The following GPRC5B variants were observed in gnomAD, a reference collection of about 807,000 sequenced individuals.
GPRC5B encodes G protein-coupled receptor family C group 5 member B.
GPRC5B carries 16 observed loss-of-function variants against 30.1 expected under a neutral mutation model. The ratio of observed to expected loss-of-function variants is 0.53; its 90% CI spans 0.36 to 0.81. The LOEUF (loss-of-function observed/expected upper bound fraction) is 0.81, where lower values mean the gene tolerates loss of function less well. Ranked by LOEUF, GPRC5B falls within the 30% of genes least tolerant of loss-of-function variation. GPRC5B has a pLI of 0.01. For missense variants in GPRC5B, 428 were observed against 544.7 expected (o/e 0.79, Z 2.13); for synonymous variants, 241 against 239.5 (o/e 1.01, Z -0.06).
At chr16:19,864,078 G>T (rs2141139421) in intron 2 of GPRC5B, among the ~76,000 whole-genome samples, 1 of 152,222 alleles carries the variant, frequency 6.6e-6, no homozygotes, top group Non-Finnish European at 1.5e-5. Context: ...CCACACCTGG[G>T]CCAGAGACAA....
rs555520040 is a variant in GPRC5B, at chr16:19,871,293, A to AG, written c.1030+522_1030+523insC. Among the ~76,000 whole-genome samples, 303 of 150,456 alleles carry AG rather than the reference A, an allele frequency of 2.0e-3. 4 individuals carry two copies. Among genetic ancestry groups the AG allele is most frequent in the African/African-American group, 7.1e-3 (292 of 40,918 alleles). On this transcript the variant is annotated intron_variant, in intron 2 of 3. Transcript: ENST00000300571. ...CAAGACCCTGTCTCAAAAAAAAAAAAAAAAAAAGAAAGAAAGAAAAAAACA... is the reference window on the plus strand; with the variant it reads ...CAAGACCCTGTCTCAAAAAAAAAAAAGAAAAAAAGAAAGAAAGAAAAAAACA...
chr16:19,873,805 AGTCT>A (rs1280767026), intron 1 of GPRC5B, among the ~76,000 whole-genome samples: 1 of 151,942 alleles, frequency 6.6e-6, no homozygotes, highest in Non-Finnish European at 1.5e-5. Flanking sequence ...TTTGAGACGG[AGTCT>A]GTCTGTCGCC....
chr16:19,870,547 G>T (rs1007420986), intron 2 of GPRC5B, among the ~76,000 whole-genome samples: 6 of 152,234 alleles, frequency 3.9e-5, no homozygotes, highest in Non-Finnish European at 8.8e-5. Flanking sequence ...CTAGGAAGTG[G>T]CAGAGGCAAA....
intron 3 of GPRC5B, among the ~76,000 whole-genome samples, chr16:19,861,127 T>C (rs1046465745): frequency 1.4e-5 from 2 of 141,056 alleles, no homozygotes; most frequent in African/African-American, 5.8e-5. Flanking sequence ...GGTTGAGTTA[T>C]GGAGTTGGAA....
chr16:19,865,807 C>A (rs916563175), intron 2 of GPRC5B, among the ~76,000 whole-genome samples: 3 of 152,218 alleles, frequency 2.0e-5, no homozygotes, highest in Admixed American at 2.0e-4. Context: ...AGCAAGCACG[C>A]TGAAGAACGT....
intron 2 of GPRC5B, among the ~76,000 whole-genome samples, chr16:19,871,281 C>CAAAAAAAAAAAAAAAA (rs71375667): frequency 4.3e-5 from 3 of 70,338 alleles, no homozygotes; most frequent in Admixed American, 1.7e-4. Context: ...GACCCTGTCT[C>CAAAAAAAAAAAAAAAA]AAAAAAAAAA....
At chr16:19,869,963 T>C (rs567921328) in intron 2 of GPRC5B, among the ~76,000 whole-genome samples, 3 of 152,058 alleles carry the variant, frequency 2.0e-5, no homozygotes, top group Non-Finnish European at 4.4e-5. Flanking sequence ...TGGTCCCAGC[T>C]ACTCGGGAGG....
rs975393378 is a variant in GPRC5B, at chr16:19,857,720, C to T, written c.*2780G>A. 1.3e-4 allele frequency: 22 copies of T among 171,206 alleles called. No homozygotes were observed. Among genetic ancestry groups the T allele is most frequent in the Non-Finnish European group, 2.5e-4 (21 of 85,424 alleles). 10.6% of individuals were successfully genotyped at this position (171,206 alleles called of 1,614,324 possible). A position where few individuals can be genotyped will look rare whatever the true frequency, so the allele number is the denominator to read the frequency against. ...ACCACCACCCGAGTTCACCCTTGTTCAGTGGGTCCTGACGGCATCTGGGCT... is the reference window on the plus strand; with the variant it reads ...ACCACCACCCGAGTTCACCCTTGTTTAGTGGGTCCTGACGGCATCTGGGCT... On this transcript the variant is annotated 3_prime_UTR_variant, in exon 4 of 4. Coordinates refer to ENST00000300571, the MANE Select transcript of GPRC5B (RefSeq NM_016235.3).
At chr16:19,881,706 C>T (rs1041981581) in intron 1 of GPRC5B, among the ~76,000 whole-genome samples, 7 of 152,128 alleles carry the variant, frequency 4.6e-5, no homozygotes, top group South Asian at 2.1e-4. Context: ...CTCTTGAAAC[C>T]GGGAGGCGGA....
intron 1 of GPRC5B, among the ~76,000 whole-genome samples, chr16:19,883,728 G>C (rs374027125): frequency 6.6e-6 from 1 of 152,266 alleles, no homozygotes; most frequent in East Asian, 1.9e-4. Context: ...GCGCTCCAAG[G>C]AGCCGCCCCC....
intron 1 of GPRC5B, among the ~76,000 whole-genome samples, chr16:19,881,883 G>A (rs920580725): frequency 3.1e-4 from 47 of 152,358 alleles, no homozygotes; most frequent in African/African-American, 1.1e-3. Flanking sequence ...AGGCTGGCCT[G>A]GGACTAGCCC....
At chr16:19,878,375 G>A (rs558682224) in intron 1 of GPRC5B, among the ~76,000 whole-genome samples, 4 of 150,942 alleles carry the variant, frequency 2.7e-5, no homozygotes, top group Non-Finnish European at 4.4e-5. Context: ...GCATGATCTC[G>A]GCTCACTGCA....
In GPRC5B at chr16:19,857,406, A is replaced by G. The variant is rs933980600; in HGVS notation, c.*3094T>C. ...ATTTGTAATATTTATATAGTCGTTT[A>G]TGGTACATATTGATTGTCTTGAAAT... On this transcript the variant is annotated 3_prime_UTR_variant, in exon 4 of 4. Coordinates refer to ENST00000300571, the MANE Select transcript of GPRC5B (RefSeq NM_016235.3). 1 of 433,400 alleles carries G rather than the reference A, an allele frequency of 2.3e-6. No individual in the cohort carries two copies. Among genetic ancestry groups the G allele is most frequent in the Non-Finnish European group, 4.5e-6 (1 of 221,708 alleles). 26.8% of individuals were successfully genotyped at this position (433,400 alleles called of 1,614,324 possible).
In GPRC5B at chr16:19,884,742, C is replaced by G. The variant is rs907073858; in HGVS notation, c.-17G>C. The G allele has an allele frequency of 1.0e-6, 1 of 985,010 alleles. No individual in the cohort carries two copies. The highest frequency in any genetic ancestry group is 6.2e-5 in the Admixed American group (1 of 16,236). The allele number at this position is 985,010 out of a possible 1,614,324, so 61.0% of individuals were successfully genotyped here. Reference sequence around the variant, plus strand: ...TCGCACTTACCGACCCCCGCGGCCCCGCAGCGCCGACGCTCCAGCTGGCCT... The same window carrying G: ...TCGCACTTACCGACCCCCGCGGCCCGGCAGCGCCGACGCTCCAGCTGGCCT... On this transcript the variant is annotated 5_prime_UTR_variant, in exon 1 of 4. Transcript: ENST00000300571.
At chr16:19,879,442 G>A (rs943638400) in intron 1 of GPRC5B, among the ~76,000 whole-genome samples, 2 of 151,360 alleles carry the variant, frequency 1.3e-5, no homozygotes, top group Non-Finnish European at 2.9e-5. Context: ...CACACACACA[G>A]ACACACACAC....
At position 19,857,728 on chromosome 16, in the gene GPRC5B, C is replaced by T. The variant is rs1351802359; in HGVS notation, c.*2772G>A. 1.3e-5 allele frequency: 2 copies of T among 153,080 alleles called. No homozygotes were observed. The highest frequency in any genetic ancestry group is 2.8e-5 in the Non-Finnish European group (2 of 71,916). The allele number at this position is 153,080 out of a possible 1,614,324, so 9.5% of individuals were successfully genotyped here. On this transcript the variant is annotated 3_prime_UTR_variant, in exon 4 of 4. Coordinates refer to ENST00000300571, the MANE Select transcript of GPRC5B (RefSeq NM_016235.3). ...CCGAGTTCACCCTTGTTCAGTGGGTCCTGACGGCATCTGGGCTAAAAAAAA... is the reference window on the plus strand; with the variant it reads ...CCGAGTTCACCCTTGTTCAGTGGGTTCTGACGGCATCTGGGCTAAAAAAAA...
At chr16:19,882,731 T>A (rs2056816692) in intron 1 of GPRC5B, among the ~76,000 whole-genome samples, 1 of 152,102 alleles carries the variant, frequency 6.6e-6, no homozygotes, top group Non-Finnish European at 1.5e-5. Context: ...GGTTCACTGG[T>A]CCAAACAGAA....
At chr16:19,871,299 AAG>A (rs1555458475) in intron 2 of GPRC5B, among the ~76,000 whole-genome samples, 1 of 144,942 alleles carries the variant, frequency 6.9e-6, no homozygotes, top group Non-Finnish European at 1.5e-5. Context: ...AAAAAAAAAA[AAG>A]AAAGAAAGAA....
Position 19,870,998 on chromosome 16 carries a change from A to G in GPRC5B, c.1030+818T>C, listed in dbSNP as rs553753955. 3.9e-5 allele frequency among the ~76,000 whole-genome samples: 6 copies of G among 152,072 alleles called. No homozygotes were observed. The East Asian group carries it at 1.2e-3, about 29-fold the overall frequency. The stretch of plus-strand genomic sequence containing the variant: ...AGGGAAAAAAAAAAAGCTTAATAAA[A>G]ATCCATATCTGAGGCTGAGCATAGT... On this transcript the variant is annotated intron_variant, in intron 2 of 3. Transcript: ENST00000300571.
Sources: gnomAD v4.1 joint callset for allele counts (sites outside exome capture counted in the v4.1 genomes callset) on GRCh38, gnomAD v4.1.1 for gene constraint, MANE v1.5 for transcripts, NCBI Gene and HGNC (gene_info 2026-07-23, HGNC 2026-07-21) for gene names.